The following SLC44A5 variants were observed in gnomAD, a reference collection of about 807,000 sequenced individuals.
The protein encoded by SLC44A5 is solute carrier family 44 member 5.
SLC44A5 carries 57 observed loss-of-function variants against 101.8 expected under a neutral mutation model. The ratio of observed to expected loss-of-function variants is 0.56; its 90% CI spans 0.45 to 0.70. The LOEUF (loss-of-function observed/expected upper bound fraction) is 0.70, where lower values mean the gene tolerates loss of function less well. Ranked by LOEUF, SLC44A5 falls within the 30% of genes least tolerant of loss-of-function variation. SLC44A5 has a pLI of 0.00. For missense variants in SLC44A5, 737 were observed against 853.1 expected, an observed-to-expected ratio of 0.86 and a Z score of 1.70; for synonymous variants, 281 against 290.9, an observed-to-expected ratio of 0.97 and a Z score of 0.35.
intron 2 of SLC44A5, among the ~76,000 whole-genome samples, chr1:75,486,669 C>A (rs1668168091): frequency 6.6e-6 from 1 of 152,142 alleles, no homozygotes; most frequent in South Asian, 2.1e-4. Context: ...ACAAAGAGGC[C>A]ACAGGCCCCA....
the SLC44A5 span, among the ~76,000 whole-genome samples, chr1:75,705,643 G>A: frequency 6.6e-6 from 1 of 151,900 alleles, no homozygotes; most frequent in African/African-American, 2.4e-5. Context: ...TCTCGCTAGA[G>A]GTATATCTAT....
At chr1:75,683,433 A>T in the SLC44A5 span, among the ~76,000 whole-genome samples, 1 of 151,800 alleles carries the variant, frequency 6.6e-6, no homozygotes, top group African/African-American at 2.4e-5. Context: ...GCCATAAAAA[A>T]TGATGAGTTC....
chr1:75,550,188 A>G (rs746954666), intron 1 of SLC44A5, among the ~76,000 whole-genome samples: 1 of 152,158 alleles, frequency 6.6e-6, no homozygotes, highest in African/African-American at 2.4e-5. Context: ...ATGAACAGAT[A>G]AACAAAATGC....
chr1:75,614,837 G>T (rs1675796558), upstream of SLC44A5, among the ~76,000 whole-genome samples: 2 of 152,054 alleles, frequency 1.3e-5, no homozygotes, highest in South Asian at 2.1e-4. Context: ...TCCTCACCGC[G>T]CATGGTGTCG....
chr1:75,216,766 T>C (rs922445544), intron 18 of SLC44A5, among the ~76,000 whole-genome samples: 3 of 152,060 alleles, frequency 2.0e-5, no homozygotes, highest in Admixed American at 2.0e-4. Context: ...TGGAGAAATA[T>C]CTATTCAAGT....
At chr1:75,259,704 G>C (rs1009160123) in intron 6 of SLC44A5, among the ~76,000 whole-genome samples, 2 of 152,042 alleles carry the variant, frequency 1.3e-5, no homozygotes, top group African/African-American at 4.8e-5. Context: ...TCCTTGAGAA[G>C]AGCAACCACA....
chr1:75,508,788 A>T (rs151167643), intron 2 of SLC44A5, among the ~76,000 whole-genome samples: 19 of 152,306 alleles, frequency 1.2e-4, no homozygotes, highest in Admixed American at 5.2e-4. Flanking sequence ...AAAAGGTTAC[A>T]AATAGAATGG....
intron 23 of SLC44A5, chr1:75,204,858 C>T (rs1646723801): frequency 6.6e-6 from 1 of 152,118 alleles, no homozygotes; most frequent in Non-Finnish European, 1.5e-5. Flanking sequence ...TGGCTCACAT[C>T]AAATCACAGT....
chr1:75,354,453 T>G (rs1394444912), intron 3 of SLC44A5, among the ~76,000 whole-genome samples: 1 of 152,210 alleles, frequency 6.6e-6, no homozygotes, highest in Non-Finnish European at 1.5e-5. Flanking sequence ...AGCAGCCATA[T>G]GTTTCTCATT....
chr1:75,415,201 C>A (rs940406575), intron 2 of SLC44A5, among the ~76,000 whole-genome samples: 1 of 152,208 alleles, frequency 6.6e-6, no homozygotes. Context: ...CACCTTGCAG[C>A]TCCCATAATT....
At chr1:75,571,573 A>G (rs1337910506) in intron 1 of SLC44A5, among the ~76,000 whole-genome samples, 3 of 152,182 alleles carry the variant, frequency 2.0e-5, no homozygotes, top group Non-Finnish European at 4.4e-5. Context: ...AACATGAGAT[A>G]TTCAATACTT....
rs571999334 is a variant in SLC44A5, at chr1:75,359,408, AT to A, written c.53-19779del. Among the ~76,000 whole-genome samples the A allele has an allele frequency of 1.0e-2, 1,285 of 129,136 alleles. 6 individuals are homozygous for A. The highest frequency in any genetic ancestry group is 0.022 in the African/African-American group (768 of 35,468). 84.7% of individuals were successfully genotyped at this position (129,136 alleles called of 152,430 possible). A position where few individuals can be genotyped will look rare whatever the true frequency, so the allele number is the denominator to read the frequency against. ...TGCCACCACGCTGGCTAATTTTTGTATTTTTTTTTTTTTTAAGAGACAGAGT... is the reference window on the plus strand; with the variant it reads ...TGCCACCACGCTGGCTAATTTTTGTATTTTTTTTTTTTTAAGAGACAGAGT... On this transcript the variant is annotated intron_variant, in intron 3 of 23. Transcript: ENST00000370859.
chr1:75,308,371 G>A (rs868279327), intron 4 of SLC44A5, among the ~76,000 whole-genome samples: 31 of 150,778 alleles, frequency 2.1e-4, no homozygotes, highest in South Asian at 4.2e-4. Flanking sequence ...ATTTTCATTT[G>A]TAAAGAGAAT....
chr1:75,331,503 C>T (rs140886774), intron 4 of SLC44A5, among the ~76,000 whole-genome samples: 20 of 152,294 alleles, frequency 1.3e-4, no homozygotes, highest in African/African-American at 4.3e-4. Context: ...CTACCCTCTT[C>T]GAAGTGACTG....
At chr1:75,545,704 C>T (rs1671608335) in intron 1 of SLC44A5, among the ~76,000 whole-genome samples, 2 of 152,088 alleles carry the variant, frequency 1.3e-5, no homozygotes, top group African/African-American at 2.4e-5. Context: ...CCTCTTCAAA[C>T]CTTTAGCTTA....
intron 3 of SLC44A5, among the ~76,000 whole-genome samples, chr1:75,343,296 G>C (rs1570726609): frequency 6.6e-6 from 1 of 152,118 alleles, no homozygotes; most frequent in South Asian, 2.1e-4. Flanking sequence ...TGTTGTGGTG[G>C]TTAACAGTTG....
At chr1:75,412,303 G>A (rs1329267176) in intron 2 of SLC44A5, among the ~76,000 whole-genome samples, 1 of 152,038 alleles carries the variant, frequency 6.6e-6, no homozygotes, top group Non-Finnish European at 1.5e-5. Context: ...CAGTGATTTG[G>A]TGGCGGGAGA....
chr1:75,518,547 A>G (rs1026862272), intron 2 of SLC44A5, among the ~76,000 whole-genome samples: 1 of 152,224 alleles, frequency 6.6e-6, no homozygotes, highest in Non-Finnish European at 1.5e-5. Context: ...GATGTTGCTA[A>G]GCAAATTAAT....
intron 4 of SLC44A5, among the ~76,000 whole-genome samples, chr1:75,321,310 T>C (rs1656123739): frequency 6.6e-6 from 1 of 152,184 alleles, no homozygotes; most frequent in African/African-American, 2.4e-5. Context: ...ACAGACTGAA[T>C]GGCTTAAACA....
Sources: gnomAD v4.1 joint callset for allele counts (sites outside exome capture counted in the v4.1 genomes callset) on GRCh38, gnomAD v4.1.1 for gene constraint, MANE v1.5 for transcripts, NCBI Gene and HGNC (gene_info 2026-07-23, HGNC 2026-07-21) for gene names.